LINC00632: variants seen among roughly 807,000 people sequenced by gnomAD.
The protein encoded by LINC00632 is ALDOA related specific transcript.
At chrX:140,726,944 T>G (rs1043012247) in intron 2 of LINC00632, among the ~76,000 whole-genome samples, 1 of 111,753 alleles carries the variant, frequency 8.9e-6, no homozygotes, top group African/African-American at 3.3e-5. Flanking sequence ...GTCTAAGATG[T>G]ACTGCAGAAA....
exon 5 of LINC00632, among the ~76,000 whole-genome samples, chrX:140,791,172 G>A (rs963133892): frequency 9.1e-6 from 1 of 110,182 alleles, no homozygotes; most frequent in Non-Finnish European, 1.9e-5. Context: ...ATGCCCTTCT[G>A]TTCTTGATTG....
chrX:140,757,259 T>A (rs1374067761), intron 3 of LINC00632, among the ~76,000 whole-genome samples: 5 of 110,930 alleles, frequency 4.5e-5, no homozygotes, highest in East Asian at 2.8e-4. Context: ...ATGAAAAAAA[T>A]TTAAAAAGAC....
intron 3 of LINC00632, among the ~76,000 whole-genome samples, chrX:140,761,617 A>G (rs1931594980): frequency 8.8e-6 from 1 of 113,069 alleles, no homozygotes; most frequent in East Asian, 2.8e-4. Context: ...AGCTAGTAGC[A>G]GGCATTCTGC....
intron 3 of LINC00632, among the ~76,000 whole-genome samples, chrX:140,754,450 T>A (rs188826671): frequency 2.7e-5 from 3 of 111,889 alleles, no homozygotes; most frequent in African/African-American, 9.7e-5. Flanking sequence ...TCTTAACCAG[T>A]CTCAAGGGCA....
intron 2 of LINC00632, among the ~76,000 whole-genome samples, chrX:140,732,675 C>A (rs1050707893): frequency 9.0e-6 from 1 of 111,628 alleles, no homozygotes; most frequent in Admixed American, 9.6e-5. Flanking sequence ...GATTTACACA[C>A]GCACAGACAT....
chrX:140,731,731 A>G (rs964297723), intron 2 of LINC00632, among the ~76,000 whole-genome samples: 1 of 72,140 alleles, frequency 1.4e-5, no homozygotes, highest in Admixed American at 1.2e-4. Context: ...GCAAGCAGTA[A>G]ACATAAGGAC....
chrX:140,787,310 ATTTC>A (rs1407985626), exon 5 of LINC00632, among the ~76,000 whole-genome samples: 9 of 111,616 alleles, frequency 8.1e-5, no homozygotes, highest in Non-Finnish European at 1.5e-4. Context: ...AATTTAACCT[ATTTC>A]TTTCTTACAC....
intron 2 of LINC00632, among the ~76,000 whole-genome samples, chrX:140,732,098 G>A (rs763662301): frequency 2.7e-5 from 3 of 111,126 alleles, no homozygotes; most frequent in East Asian, 5.7e-4. Flanking sequence ...CAGCTACTTG[G>A]GAGGCTGAGG....
At chrX:140,776,136 A>G (rs1931867784) in exon 5 of LINC00632, among the ~76,000 whole-genome samples, 1 of 111,981 alleles carries the variant, frequency 8.9e-6, no homozygotes, top group Non-Finnish European at 1.9e-5. Flanking sequence ...ACACTTCTCA[A>G]AAGAAGACAC....
In LINC00632 at chrX:140,712,223, A is replaced by G. The variant is rs191720156; in HGVS notation, n.104+567A>G. The G allele has an allele frequency of 4.2e-4, 46 of 109,841 alleles. 1 individual carries two copies. The Admixed American group carries it at 4.4e-3, about 10-fold the overall frequency. 9.1% of individuals were successfully genotyped at this position (109,841 alleles called of 1,213,427 possible). On this transcript the variant is annotated intron_variant and non_coding_transcript_variant, in intron 2 of 4. Transcript: ENST00000648200. ...CATGCAGATTAGGGCAGTATTTTAA[A>G]CAGGATTTTTTTTTTCATTTTAAAT...
At chrX:140,781,377 T>G (rs1482242476) in exon 5 of LINC00632, among the ~76,000 whole-genome samples, 1 of 111,249 alleles carries the variant, frequency 9.0e-6, no homozygotes, top group Non-Finnish European at 1.9e-5. Flanking sequence ...CTTCTCTAAT[T>G]TACTTAAGCT....
intron 3 of LINC00632, among the ~76,000 whole-genome samples, chrX:140,763,464 A>C (rs896952647): frequency 3.6e-5 from 4 of 110,942 alleles, no homozygotes; most frequent in Non-Finnish European, 5.7e-5. Context: ...GTCAGAAAGA[A>C]AGCACACAGT....
exon 5 of LINC00632, among the ~76,000 whole-genome samples, chrX:140,776,273 TCGG>T (rs36105316): frequency 0.38 from 41,694 of 111,104 alleles, 5,973 homozygotes; most frequent in East Asian, 0.51. Context: ...AAAATTGGCC[TCGG>T]CCAGAAAGGC....
intron 3 of LINC00632, among the ~76,000 whole-genome samples, chrX:140,749,883 G>A (rs1931384822): frequency 9.1e-6 from 1 of 109,854 alleles, no homozygotes; most frequent in Non-Finnish European, 1.9e-5. Context: ...TTGTAGAGAC[G>A]AGGTCTCCCT....
intron 3 of LINC00632, among the ~76,000 whole-genome samples, chrX:140,740,758 A>G (rs1014847264): frequency 9.0e-6 from 1 of 111,463 alleles, no homozygotes; most frequent in African/African-American, 3.3e-5. Context: ...GAAATTCTTA[A>G]TAATTTTTGA....
intron 2 of LINC00632, among the ~76,000 whole-genome samples, chrX:140,726,891 C>T (rs1294206437): frequency 2.7e-5 from 3 of 111,977 alleles, no homozygotes; most frequent in Non-Finnish European, 5.6e-5. Context: ...ACAGACTTGC[C>T]TTCCTCCCCA....
At chrX:140,771,569 C>CA (rs1296008496) in intron 3 of LINC00632, among the ~76,000 whole-genome samples, 2 of 102,882 alleles carry the variant, frequency 1.9e-5, no homozygotes, top group Non-Finnish European at 3.9e-5. Context: ...TTGCTTTTAG[C>CA]ATACAAATTG....
At chrX:140,720,265 G>A (rs1191663645) in intron 2 of LINC00632, among the ~76,000 whole-genome samples, 3 of 110,672 alleles carry the variant, frequency 2.7e-5, no homozygotes, top group Non-Finnish European at 3.8e-5. Context: ...TCAAAACTTA[G>A]TTTAAAATCA....
chrX:140,722,462 A>G (rs965565943), intron 2 of LINC00632, among the ~76,000 whole-genome samples: 2 of 110,321 alleles, frequency 1.8e-5, no homozygotes, highest in African/African-American at 6.6e-5. Context: ...TTTACCCCCC[A>G]GCACCAGAGT....
Sources: allele counts gnomAD v4.1 joint callset (sites outside exome capture counted in the v4.1 genomes callset), GRCh38; gene constraint gnomAD v4.1.1; transcripts MANE v1.5; gene names NCBI Gene and HGNC (gene_info 2026-07-23, HGNC 2026-07-21).